The following TMEM131 variants were observed in gnomAD, a reference collection of about 807,000 sequenced individuals.
The protein encoded by TMEM131 is 2610524E03Rik.
Under a neutral mutation model 211.6 loss-of-function variants are expected in TMEM131, and 66 were observed. The ratio of observed to expected loss-of-function variants is 0.31; its 90% CI spans 0.26 to 0.38. The LOEUF (loss-of-function observed/expected upper bound fraction) is 0.38. TMEM131 is among the 10% of genes least tolerant of loss of function. TMEM131 has a pLI of 1.00. For missense variants in TMEM131, 2,036 were observed against 2,299.3 expected, an observed-to-expected ratio of 0.89 and a Z score of 2.34; for synonymous variants, 844 against 841.3, an observed-to-expected ratio of 1.00 and a Z score of -0.06.
At position 97,844,268 on chromosome 2, in the gene TMEM131, C is replaced by A. The variant is rs1398946980; in HGVS notation, c.484-7G>T. 2.7e-6 allele frequency: 3 copies of A among 1,131,594 alleles called. No homozygotes were observed. The highest frequency in any genetic ancestry group is 3.8e-5 in the Admixed American group (1 of 26,610). 70.1% of individuals were successfully genotyped at this position (1,131,594 alleles called of 1,614,324 possible). A position where few individuals can be genotyped will look rare whatever the true frequency, so the allele number is the denominator to read the frequency against. On this transcript the variant is annotated splice_polypyrimidine_tract_variant and splice_region_variant and intron_variant, in intron 5 of 40. Transcript: ENST00000186436. Reference sequence around the variant, plus strand: ...TTCCTCCTGGAAGAATTTTCTGAAACAGAAAATAAAGTTAAATTTGTAACA... The same window carrying A: ...TTCCTCCTGGAAGAATTTTCTGAAAAAGAAAATAAAGTTAAATTTGTAACA...
Position 97,931,000 on chromosome 2 carries a change from G to T in TMEM131, c.188-3513C>A, listed in dbSNP as rs552142121. On this transcript the variant is annotated intron_variant, in intron 1 of 40. Coordinates refer to ENST00000186436, the MANE Select transcript of TMEM131 (RefSeq NM_015348.2). ...ACAGAGAGATATACTTAGCAAGAAA[G>T]TGGCTAGAGAAAAGTATGAATTCTG... Among the ~76,000 whole-genome samples the T allele has an allele frequency of 2.6e-5, 4 of 151,862 alleles. No homozygotes were observed. The East Asian group carries it at 7.7e-4, about 29-fold the overall frequency.
rs1270719051 is a variant in TMEM131 at position 97,943,003 on chromosome 2, AAAAG to A, written c.188-15520_188-15517del. Among the ~76,000 whole-genome samples the A allele has an allele frequency of 3.0e-3, 123 of 40,810 alleles. 1 individual carries two copies. Among genetic ancestry groups the A allele is most frequent in the East Asian group, 0.014 (50 of 3,464 alleles). 26.8% of individuals were successfully genotyped at this position (40,810 alleles called of 152,430 possible). On this transcript the variant is annotated intron_variant, in intron 1 of 40. Coordinates refer to ENST00000186436, the MANE Select transcript of TMEM131 (RefSeq NM_015348.2). The stretch of plus-strand genomic sequence containing the variant: ...AAGAAAGAAAAGAAAGAAAAGAAAG[AAAAG>A]AAAGAAAAGAAAAGAAAAGAAAAGA...
chr2:97,915,947 C>T (rs1172229671), intron 2 of TMEM131, among the ~76,000 whole-genome samples: 2 of 151,596 alleles, frequency 1.3e-5, no homozygotes, highest in Non-Finnish European at 2.9e-5. Flanking sequence ...TAAAATTTTG[C>T]CTGTTGCCCA....
chr2:97,768,965 T>TACTG (rs1350753853), intron 33 of TMEM131, among the ~76,000 whole-genome samples: 1 of 150,300 alleles, frequency 6.7e-6, no homozygotes, highest in African/African-American at 2.4e-5. Context: ...TTTATTTATT[T>TACTG]ACTGACAGGG....
At chr2:97,858,732 G>T (rs752759327) in intron 5 of TMEM131, among the ~76,000 whole-genome samples, 6 of 152,198 alleles carry the variant, frequency 3.9e-5, no homozygotes, top group Non-Finnish European at 8.8e-5. Context: ...GAGGCCCTGA[G>T]GAGCTGAGAG....
At chr2:97,957,775 CA>C (rs1163549195) in intron 1 of TMEM131, among the ~76,000 whole-genome samples, 1 of 151,952 alleles carries the variant, frequency 6.6e-6, no homozygotes. Flanking sequence ...ATGAAAGTTT[CA>C]AAACTAGGCC....
At chr2:97,759,451 T>G in intron 39 of TMEM131, 1 of 573,506 alleles carries the variant, frequency 1.7e-6, no homozygotes, top group East Asian at 2.9e-5. Flanking sequence ...GCGCACACCG[T>G]GTCGAGCCTG....
At chr2:97,991,198 A>G (rs998851216) in intron 1 of TMEM131, among the ~76,000 whole-genome samples, 3 of 152,198 alleles carry the variant, frequency 2.0e-5, no homozygotes, top group African/African-American at 7.2e-5. Context: ...GTTCTGCCCT[A>G]CAGAAATTCC....
intron 31 of TMEM131, among the ~76,000 whole-genome samples, chr2:97,786,577 T>C (rs968625464): frequency 1.1e-4 from 16 of 152,212 alleles, no homozygotes; most frequent in African/African-American, 3.6e-4. Context: ...CATTTGTCTC[T>C]GACTGTGGGG....
At chr2:97,855,810 T>C (rs544289483) in intron 5 of TMEM131, among the ~76,000 whole-genome samples, 1 of 152,354 alleles carries the variant, frequency 6.6e-6, no homozygotes, top group East Asian at 1.9e-4. Context: ...TTCATTCTCT[T>C]TATTATCTGC....
At chr2:97,839,523 A>C (rs1430600273) in intron 7 of TMEM131, among the ~76,000 whole-genome samples, 1 of 152,224 alleles carries the variant, frequency 6.6e-6, no homozygotes, top group Non-Finnish European at 1.5e-5. Context: ...ATTTGTTCTA[A>C]TTTAGTATAG....
In TMEM131 at chr2:97,819,093, T is replaced by C. The variant is rs532697437; in HGVS notation, c.1075-372A>G. Among the ~76,000 whole-genome samples the C allele has an allele frequency of 2.0e-4, 30 of 152,332 alleles. 1 individual carries two copies. The highest frequency in any genetic ancestry group is 6.7e-4 in the African/African-American group (28 of 41,566). On this transcript the variant is annotated intron_variant, in intron 11 of 40. Coordinates refer to ENST00000186436, the MANE Select transcript of TMEM131 (RefSeq NM_015348.2). ...GGATCCCTCTTAAAGAAATTCACAA[T>C]ACTGAGGAAATATCTGAACCATATG...
At chr2:97,853,608 A>G (rs1440436770) in intron 5 of TMEM131, among the ~76,000 whole-genome samples, 44 of 37,352 alleles carry the variant, frequency 1.2e-3, no homozygotes, top group Admixed American at 2.5e-3. Flanking sequence ...CCCGTCTTGG[A>G]AAAAAAAAAA....
At chr2:97,845,779 T>C (rs1352437104) in intron 5 of TMEM131, among the ~76,000 whole-genome samples, 3 of 122,626 alleles carry the variant, frequency 2.4e-5, no homozygotes, top group Non-Finnish European at 5.5e-5. Context: ...AAAAAATCAA[T>C]AAAACCGAAG....
At chr2:97,758,131 C>CAAA (rs539032323) in intron 40 of TMEM131, among the ~76,000 whole-genome samples, 1 of 86,018 alleles carries the variant, frequency 1.2e-5, no homozygotes. Context: ...GACTCTGTCT[C>CAAA]AAAAAAAAAA....
chr2:97,874,529 G>A (rs1192746879), intron 4 of TMEM131, among the ~76,000 whole-genome samples: 1 of 152,232 alleles, frequency 6.6e-6, no homozygotes, highest in South Asian at 2.1e-4. Context: ...GGATCTCTCT[G>A]CAGAAACTCT....
At chr2:97,759,279 T>G (rs1678682788) in intron 39 of TMEM131, 2 of 582,892 alleles carry the variant, frequency 3.4e-6, no homozygotes, top group South Asian at 4.3e-5. Context: ...AAATGCAAAC[T>G]TTCCCCACTC....
intron 31 of TMEM131, among the ~76,000 whole-genome samples, chr2:97,779,190 A>C (rs35424768): frequency 0.33 from 50,729 of 152,050 alleles, 9,322 homozygotes; most frequent in Non-Finnish European, 0.39. Context: ...ACATCAATCC[A>C]ACCACCCAGG....
chr2:97,811,323 T>C, intron 17 of TMEM131, 91 bp from the exon 18 acceptor site: 1 of 838,266 alleles, frequency 1.2e-6, no homozygotes. Context: ...ATAAAATGAC[T>C]AACAAATCCT....
Sources: allele counts gnomAD v4.1 joint callset (sites outside exome capture counted in the v4.1 genomes callset), GRCh38; gene constraint gnomAD v4.1.1; transcripts MANE v1.5; gene names NCBI Gene and HGNC (gene_info 2026-07-23, HGNC 2026-07-21).